The following IQGAP3 variants were observed in gnomAD, a reference collection of about 807,000 sequenced individuals.
IQGAP3 encodes ras GTPase-activating-like protein IQGAP3.
A neutral mutation model predicts 208.2 loss-of-function variants in IQGAP3; 165 were observed. The observed-to-expected ratio is 0.79, with a 90% CI of 0.70 to 0.90. The LOEUF (loss-of-function observed/expected upper bound fraction) is 0.90. IQGAP3 is among the 40% of genes least tolerant of loss of function. The probability of loss-of-function intolerance (pLI) is 0.00; values close to 1 mark genes in which losing one functional copy is unlikely to be tolerated. For synonymous variants in IQGAP3, 703 were observed against 803.6 expected (o/e 0.87, Z 2.12); for missense variants, 1,811 against 2,043.1 (o/e 0.89, Z 2.19).
chr1:156,566,594 A>G (rs1278543794), intron 2 of IQGAP3, 48 bp from the exon 3 acceptor site: 6 of 1,584,384 alleles, frequency 3.8e-6, no homozygotes, highest in Non-Finnish European at 5.2e-6. Context: ...GACCACAGTG[A>G]TTTATTCTAA....
At chr1:156,539,098 C>G in intron 25 of IQGAP3, 65 bp from the exon 26 acceptor site, 2 of 1,454,552 alleles carry the variant, frequency 1.4e-6, no homozygotes, top group African/African-American at 2.8e-5. Context: ...GTTGCTTTTC[C>G]TTTTTGAGAT....
chr1:156,541,858 C>T (rs1390483683), intron 22 of IQGAP3, among the ~76,000 whole-genome samples: 1 of 152,114 alleles, frequency 6.6e-6, no homozygotes, highest in African/African-American at 2.4e-5. Flanking sequence ...AGTGGGTTGC[C>T]CAACCCCACC....
intron 4 of IQGAP3, among the ~76,000 whole-genome samples, chr1:156,565,037 C>T (rs574034473): frequency 2.0e-5 from 3 of 152,192 alleles, no homozygotes; most frequent in Admixed American, 2.0e-4. Context: ...CAGTTGTCTT[C>T]CAGATGTCTA....
At chr1:156,537,975 G>T (rs1476505898) in intron 26 of IQGAP3, among the ~76,000 whole-genome samples, 1 of 150,116 alleles carries the variant, frequency 6.7e-6, no homozygotes, top group African/African-American at 2.5e-5. Flanking sequence ...TCGGCTCACC[G>T]CAACCTCCCA....
chr1:156,554,504 C>T, intron 12 of IQGAP3, 112 bp from the exon 13 acceptor site: 2 of 1,006,204 alleles, frequency 2.0e-6, no homozygotes, highest in South Asian at 1.9e-5. Flanking sequence ...ATCCCAAAAC[C>T]CCAGTGGCCT....
chr1:156,553,454 C>T (rs1326094589), intron 13 of IQGAP3, among the ~76,000 whole-genome samples: 4 of 151,562 alleles, frequency 2.6e-5, no homozygotes, highest in African/African-American at 9.7e-5. Context: ...TTCAAAATGA[C>T]CTCCTCAGCA....
intron 11 of IQGAP3, among the ~76,000 whole-genome samples, chr1:156,559,231 G>A (rs1370459062): frequency 6.6e-6 from 1 of 152,216 alleles, no homozygotes; most frequent in Non-Finnish European, 1.5e-5. Context: ...ATTGACAGGT[G>A]GCTATGGAAC....
chr1:156,572,400 C>T (rs1178531254), intron 1 of IQGAP3, 93 bp downstream of exon 1: 24 of 1,384,162 alleles, frequency 1.7e-5, no homozygotes, highest in South Asian at 1.0e-4. Flanking sequence ...TCAGGCTTCA[C>T]GCCCGACACA....
chr1:156,539,323 G>C (rs781106040), intron 25 of IQGAP3, 51 bp downstream of exon 25: 5 of 1,553,042 alleles, frequency 3.2e-6, no homozygotes, highest in Non-Finnish European at 4.4e-6. Flanking sequence ...AGCCAACAGG[G>C]GGATCTCTTA....
chr1:156,539,432 G>A lies in IQGAP3; in HGVS notation c.2998C>T (p.Arg1000Cys), dbSNP rs768310398. ...TGGAGCAGGAGATAGGCCTCTCGGC[G>A]GCTGGAGGCATAGTTGTACAGGCTG... is the stretch of plus-strand genomic sequence containing the variant. ...IFSLYNYASSRREAYLLLQLF... is the reference protein window; with the variant it reads ...IFSLYNYASSCREAYLLLQLF... The change falls in exon 25 of 38, where the codon CGC becomes TGC. Residue 1000 changes from arginine (R) to cysteine (C), a missense_variant. Arg to Cys is a radical substitution (Grantham distance 180). Transcript: ENST00000361170. 42 of 1,614,006 alleles carry A rather than the reference G, an allele frequency of 2.6e-5. No homozygotes were observed. Among genetic ancestry groups the A allele is most frequent in the Middle Eastern group, 1.6e-4 (1 of 6,078 alleles).
intron 2 of IQGAP3, among the ~76,000 whole-genome samples, chr1:156,567,917 A>C (rs1343583097): frequency 6.6e-6 from 1 of 152,202 alleles, no homozygotes; most frequent in Non-Finnish European, 1.5e-5. Flanking sequence ...TAAAATAATA[A>C]ATTCTGATGT....
In IQGAP3 at chr1:156,560,992, C is replaced by A. The variant is rs1676123959; in HGVS notation, c.1071G>T (p.Lys357Asn). ...QELGLVELLEKEEVQAGVAAA... is the reference protein window; with the variant it reads ...QELGLVELLENEEVQAGVAAA... The stretch of plus-strand genomic sequence containing the variant: ...CAGCCACACCAGCCTGGACTTCCTC[C>A]TTTTCCAGAAGCTCCACCAGGCCCA... Residue 357 changes from lysine (K) to asparagine (N), a missense_variant, in exon 11 of 38, where the codon AAG becomes AAT. Coordinates refer to ENST00000361170, the MANE Select transcript of IQGAP3 (RefSeq NM_178229.5). 16 of 1,613,812 alleles carry A rather than the reference C, an allele frequency of 9.9e-6. No individual in the cohort carries two copies. Among genetic ancestry groups the A allele is most frequent in the Non-Finnish European group, 1.4e-5 (16 of 1,179,928 alleles).
At position 156,534,592 on chromosome 1, in the gene IQGAP3, G is replaced by A. The variant is rs1674596356; in HGVS notation, c.3649C>T (p.Gln1217Ter). ...HALGAVAQLLQHAAAGKAFSG... is the reference protein window; with the variant it reads ...HALGAVAQLL The stretch of plus-strand genomic sequence containing the variant: ...AAGGCCTTGCCAGCCGCAGCGTGCT[G>A]TAGGAGCTGAGCCACAGCCCCCAGG... Residue 1217 changes from glutamine to a stop codon, truncating the protein, a stop_gained, in exon 29 of 38, where the codon CAG becomes TAG. Coordinates refer to ENST00000361170, the MANE Select transcript of IQGAP3 (RefSeq NM_178229.5). LOFTEE classifies it high-confidence loss of function. The A allele has an allele frequency of 4.3e-6, 7 of 1,612,520 alleles. No homozygotes were observed. The highest frequency in any genetic ancestry group is 5.9e-6 in the Non-Finnish European group (7 of 1,179,744).
At chr1:156,547,094 T>C (rs959548584) in intron 19 of IQGAP3, among the ~76,000 whole-genome samples, 13 of 152,302 alleles carry the variant, frequency 8.5e-5, no homozygotes, top group African/African-American at 3.1e-4. Context: ...TGGGAAGGTA[T>C]CTGCTCAATT....
rs1018003812 is a variant in IQGAP3, at chr1:156,528,802, T to C, written c.4571+114A>G. On this transcript the variant is annotated intron_variant, in intron 35 of 37. Coordinates refer to ENST00000361170, the MANE Select transcript of IQGAP3 (RefSeq NM_178229.5). ...AAAGACCAGACTTAGGAAGGGACTG[T>C]GCTGTGCTGGGTGAGATTCCCCTTT... 7 of 1,294,626 alleles carry C rather than the reference T, an allele frequency of 5.4e-6. No homozygotes were observed. The African/African-American group carries it at 5.8e-5, about 11-fold the overall frequency. 80.2% of individuals were successfully genotyped at this position (1,294,626 alleles called of 1,614,324 possible).
At position 156,530,250 on chromosome 1, in the gene IQGAP3, C is replaced by T. The variant is rs754553573; in HGVS notation, c.4259G>A (p.Arg1420Gln). 24 of 1,612,878 alleles carry T rather than the reference C, an allele frequency of 1.5e-5. No individual in the cohort carries two copies. The highest frequency in any genetic ancestry group is 1.7e-4 in the Middle Eastern group (1 of 6,044). The change falls in exon 34 of 38, where the codon CGA becomes CAA. Residue 1420 changes from arginine to glutamine, a missense_variant. Transcript: ENST00000361170. ...GTGAGCTGTCAGTGAGCGGTGTCGT[C>T]GCAGTGGCTCCGGTGTCTGGGCTGT... ...ACTAQTPEPL[R>Q]RHRSLTAHSL...
At chr1:156,562,721 T>A in intron 8 of IQGAP3, 56 bp from the exon 9 acceptor site, 1 of 1,377,420 alleles carries the variant, frequency 7.3e-7, no homozygotes, top group East Asian at 2.3e-5. Flanking sequence ...CTCCTTGTCC[T>A]GCTCTTCCCT....
At position 156,539,542 on chromosome 1, in the gene IQGAP3, A is replaced by T; in HGVS notation, c.2893-5T>A. 1 of 1,614,118 alleles carries T rather than the reference A, an allele frequency of 6.2e-7. No individual in the cohort carries two copies. The highest frequency in any genetic ancestry group is 8.5e-7 in the Non-Finnish European group (1 of 1,179,988). On this transcript the variant is annotated splice_polypyrimidine_tract_variant and splice_region_variant and intron_variant, in intron 24 of 37. Transcript: ENST00000361170. The stretch of plus-strand genomic sequence containing the variant: ...GGCCAGGTAGATGGGCTGAGTCTGC[A>T]AGCAAGAGGGGAGACAGGAATGGCT...
At chr1:156,543,070 C>T (rs997685095) in intron 22 of IQGAP3, among the ~76,000 whole-genome samples, 1 of 151,534 alleles carries the variant, frequency 6.6e-6, no homozygotes, top group Non-Finnish European at 1.5e-5. Context: ...GGAGACAGCA[C>T]TAGGGAAAAG....
Sources: gnomAD v4.1 joint callset for allele counts (sites outside exome capture counted in the v4.1 genomes callset) on GRCh38, gnomAD v4.1.1 for gene constraint, MANE v1.5 for transcripts, NCBI Gene and HGNC (gene_info 2026-07-23, HGNC 2026-07-21) for gene names.